ZNF217: variants seen among roughly 807,000 people sequenced by gnomAD.
The protein encoded by ZNF217 is zinc finger protein 217.
ZNF217 carries 12 observed loss-of-function variants against 73.3 expected under a neutral mutation model. The ratio of observed to expected loss-of-function variants is 0.16; its 90% CI spans 0.10 to 0.27. The LOEUF (loss-of-function observed/expected upper bound fraction) is 0.27. ZNF217 is among the 10% of genes least tolerant of loss of function. The probability of loss-of-function intolerance (pLI) is 1.00; values close to 1 mark genes in which losing one functional copy is unlikely to be tolerated. For synonymous variants in ZNF217, 588 were observed against 516.4 expected, an observed-to-expected ratio of 1.14 and a Z score of -1.88; for missense variants, 1,195 against 1,327.8, an observed-to-expected ratio of 0.90 and a Z score of 1.55.
At chr20:53,573,367 G>A (rs552694332) in intron 4 of ZNF217, among the ~76,000 whole-genome samples, 6 of 152,270 alleles carry the variant, frequency 3.9e-5, no homozygotes, top group Admixed American at 2.6e-4. Context: ...TTACAGGCGT[G>A]AGCCACCGCA....
At chr20:53,594,224 G>T (rs1430818699), upstream of ZNF217, among the ~76,000 whole-genome samples, 3 of 151,800 alleles carry the variant, frequency 2.0e-5, no homozygotes, top group Admixed American at 6.6e-5. Flanking sequence ...GAGCCGCCGG[G>T]GCGCGGCGCG....
rs1319060668 is a variant in ZNF217 at position 53,582,845 on chromosome 20, T to C, written c.-19A>G. On this transcript the variant is annotated 5_prime_UTR_variant, in exon 2 of 6. Transcript: ENST00000371471. This position sits in a 1 kb window ranked among gnomAD's most constrained non-coding sequence, Gnocchi z 4.8. ...ATTGCATATAATCTCAAAGTTCCGTTGGGCAATTTCTGGAGTTGGAATAAG... is the reference window on the plus strand; with the variant it reads ...ATTGCATATAATCTCAAAGTTCCGTCGGGCAATTTCTGGAGTTGGAATAAG... The C allele has an allele frequency of 1.9e-6, 3 of 1,571,850 alleles. No individual in the cohort carries two copies. Among genetic ancestry groups the C allele is most frequent in the Non-Finnish European group, 2.6e-6 (3 of 1,156,852 alleles).
chr20:53,596,396 A>G (rs1055581818), upstream of ZNF217, among the ~76,000 whole-genome samples: 2 of 152,208 alleles, frequency 1.3e-5, no homozygotes, highest in Non-Finnish European at 2.9e-5. Context: ...AGTCGTGCCA[A>G]CGAAACTGGG....
intron 4 of ZNF217, among the ~76,000 whole-genome samples, chr20:53,572,477 A>G (rs1041427635): frequency 1.3e-5 from 2 of 152,154 alleles, no homozygotes; most frequent in Non-Finnish European, 2.9e-5. Context: ...TCCCCCTTTA[A>G]GTAAAGACAA....
upstream of ZNF217, chr20:53,597,483 TAACA>T (rs1989061430): frequency 6.6e-6 from 1 of 152,144 alleles, no homozygotes; most frequent in Non-Finnish European, 1.5e-5. Context: ...TAAGTAGGAA[TAACA>T]AACAGCTCGA....
chr20:53,576,468 G>C lies in ZNF217; in HGVS notation c.2296C>G (p.Pro766Ala). Residue 766 changes from proline to alanine, a missense_variant, in exon 4 of 6, where the codon CCT becomes GCT. This residue lies in a region of ZNF217 where 649 missense variants were observed against 642.8 expected (regional missense o/e 1.01). Coordinates refer to ENST00000371471, the MANE Select transcript of ZNF217 (RefSeq NM_006526.3). The stretch of plus-strand genomic sequence containing the variant: ...GGTTTACAGAAACTAGAGAGGGGAG[G>C]CACATCTTTTCCCAGCAACGCTGGC... ...CPPALLGKDV[P>A]PLSSFCKPKP... 1 of 1,614,220 alleles carries C rather than the reference G, an allele frequency of 6.2e-7. No homozygotes were observed. The highest frequency in any genetic ancestry group is 8.5e-7 in the Non-Finnish European group (1 of 1,180,034).
At chr20:53,597,654 T>C (rs1989064975), upstream of ZNF217, 1 of 151,790 alleles carries the variant, frequency 6.6e-6, no homozygotes, top group African/African-American at 2.4e-5. Flanking sequence ...AGGCAGGGTC[T>C]GGAACCTGAT....
intron 5 of ZNF217, among the ~76,000 whole-genome samples, chr20:53,570,807 T>G (rs1417579089): frequency 6.6e-6 from 1 of 152,224 alleles, no homozygotes. Context: ...ACTAGAACGT[T>G]GGGCATAGAG....
At chr20:53,585,503 C>T (rs765015112) in intron 1 of ZNF217, among the ~76,000 whole-genome samples, 4 of 152,158 alleles carry the variant, frequency 2.6e-5, no homozygotes, top group Non-Finnish European at 4.4e-5. Flanking sequence ...CAAGATCGCA[C>T]CACTGGTCCA....
upstream of ZNF217, among the ~76,000 whole-genome samples, chr20:53,594,098 C>A (rs1404694088): frequency 2.0e-5 from 3 of 148,814 alleles, no homozygotes; most frequent in Non-Finnish European, 4.5e-5. Flanking sequence ...ATATAGGGGC[C>A]GGGCTCACCT....
rs149897719 is a variant in ZNF217 at position 53,586,459 on chromosome 20, C to CA, written c.-342-3292dup. ...ACACCATAAAGTTGATCAGCACAAG[C>CA]AAAAAAAAAACTGCACTATTTGGAT... On this transcript the variant is annotated intron_variant, in intron 1 of 5. Transcript: ENST00000371471. Among the ~76,000 whole-genome samples the CA allele has an allele frequency of 4.5e-3, 664 of 147,428 alleles. 1 individual carries two copies. The highest frequency in any genetic ancestry group is 7.3e-3 in the Non-Finnish European group (490 of 66,672).
intron 2 of ZNF217, among the ~76,000 whole-genome samples, chr20:53,580,396 C>A (rs963742621): frequency 6.6e-6 from 1 of 152,146 alleles, no homozygotes; most frequent in African/African-American, 2.4e-5. Flanking sequence ...TCCCTAAGAC[C>A]GATTCATGTT....
chr20:53,570,812 A>G (rs1987963868), intron 5 of ZNF217, among the ~76,000 whole-genome samples: 1 of 152,336 alleles, frequency 6.6e-6, no homozygotes, highest in South Asian at 2.1e-4. Flanking sequence ...AACGTTGGGC[A>G]TAGAGCCTGG....
chr20:53,578,723 A>G (rs1319748497), intron 2 of ZNF217, among the ~76,000 whole-genome samples: 1 of 152,204 alleles, frequency 6.6e-6, no homozygotes, highest in Non-Finnish European at 1.5e-5. Flanking sequence ...TGCCTTAATC[A>G]CAAGAAAGAT....
At chr20:53,575,454 C>T (rs535437535) in intron 4 of ZNF217, 9 of 328,480 alleles carry the variant, frequency 2.7e-5, no homozygotes, top group South Asian at 2.0e-4. Context: ...ATCTAGATGA[C>T]GGAGCAAGAC....
Position 53,578,382 on chromosome 20 carries a change from A to T in ZNF217, c.1435T>A (p.Phe479Ile). ...TTGAGGTAATAATTTGAACGGAAAA[A>T]CTTTCCACAATAACTACACTCTCTT... Reference protein sequence around the residue: ...SSRECSYCGKFFRSNYYLNIH... With the variant: ...SSRECSYCGKIFRSNYYLNIH... The change falls in exon 3 of 6, where the codon TTT (phenylalanine) becomes ATT (isoleucine). Residue 479 changes from phenylalanine to isoleucine, a missense_variant. Transcript: ENST00000371471. The T allele has an allele frequency of 6.3e-7, 1 of 1,598,944 alleles. No individual in the cohort carries two copies. The highest frequency in any genetic ancestry group is 8.5e-7 in the Non-Finnish European group (1 of 1,175,682).
intron 1 of ZNF217, among the ~76,000 whole-genome samples, chr20:53,584,797 T>C (rs8121273): frequency 0.023 from 3,546 of 152,302 alleles, 149 homozygotes; most frequent in African/African-American, 0.082. Flanking sequence ...TAGGTTTCTA[T>C]ACATAGAAGC....
At chr20:53,571,626 C>G (rs1988009402) in intron 5 of ZNF217, 95 bp downstream of exon 5, 2 of 1,425,650 alleles carry the variant, frequency 1.4e-6, no homozygotes, top group South Asian at 1.5e-5. Flanking sequence ...AAGCTGGTCT[C>G]AAATGCTCGA....
In ZNF217 at chr20:53,582,080, C is replaced by T. The variant is rs78786003; in HGVS notation, c.747G>A (p.Ala249=). 13 of 1,614,172 alleles carry T rather than the reference C, an allele frequency of 8.1e-6. No homozygotes were observed. In the Admixed American group the frequency reaches 2.0e-4, roughly 25 times the overall value. Residue 249 remains alanine, a synonymous_variant, in exon 2 of 6, where the codon GCG becomes GCA. Transcript: ENST00000371471. This position sits in a 1 kb window ranked among gnomAD's most constrained non-coding sequence, Gnocchi z 4.8. ...TTCCTCCTTGTGGAGAGTCTGTCTG[C>T]GCGCTGCTGGTACCGAAAGCAGTTT... The part of the protein sequence containing the change: ...TKKTAFGTSS[A]QTDSPQGGMP...
Sources: gnomAD v4.1 joint callset for allele counts (sites outside exome capture counted in the v4.1 genomes callset) on GRCh38, gnomAD v4.1.1 for gene constraint, gnomAD v4.1.1 regional missense constraint, Gnocchi (gnomAD v3.1) non-coding constraint, MANE v1.5 for transcripts, NCBI Gene and HGNC (gene_info 2026-07-23, HGNC 2026-07-21) for gene names.